CTNNA2: variants seen among roughly 807,000 people sequenced by gnomAD.
CTNNA2 encodes the protein catenin alpha-2.
A neutral mutation model predicts 101.0 loss-of-function variants in CTNNA2; 42 were observed. The ratio of observed to expected loss-of-function variants is 0.42; its 90% CI spans 0.32 to 0.54. CTNNA2 has a LOEUF of 0.54. Ranked by LOEUF, CTNNA2 falls within the 20% of genes least tolerant of loss-of-function variation. The pLI is 0.14. For synonymous variants in CTNNA2, 450 were observed against 456.4 expected (o/e 0.99, Z 0.18); for missense variants, 871 against 1,223.1 (o/e 0.71, Z 4.29).
chr2:80,212,728 C>G (rs1291894486), intron 7 of CTNNA2, among the ~76,000 whole-genome samples: 1 of 152,074 alleles, frequency 6.6e-6, no homozygotes, highest in Non-Finnish European at 1.5e-5. Flanking sequence ...TGATGCTGGC[C>G]TCATAGAATG....
intron 7 of CTNNA2, among the ~76,000 whole-genome samples, chr2:79,978,436 G>T (rs1691021959): frequency 6.6e-6 from 1 of 152,002 alleles, no homozygotes. Flanking sequence ...GAACTAAATT[G>T]TTCTCTGGCC....
In CTNNA2 at chr2:79,457,936, C is replaced by T. The variant is rs373351557; in HGVS notation, c.-134-47118C>T. Among the ~76,000 whole-genome samples the T allele has an allele frequency of 7.2e-5, 11 of 152,324 alleles. No individual in the cohort carries two copies. In the South Asian group the frequency reaches 1.7e-3, roughly 23 times the overall value. On this transcript the variant is annotated intron_variant, in intron 4 of 21. Transcript: ENST00000466387. ...GGACCAAGCTAGTTCTCTCTAGCCA[C>T]TGCTGGCAAATAGACAGTTCCTGGC...
chr2:80,168,261 C>T (rs1055716728), intron 7 of CTNNA2, among the ~76,000 whole-genome samples: 5 of 152,140 alleles, frequency 3.3e-5, no homozygotes, highest in Admixed American at 6.5e-5. Flanking sequence ...CTGGAAGACT[C>T]TCTGACCCTA....
At chr2:80,350,819 G>T (rs540683946) in intron 7 of CTNNA2, among the ~76,000 whole-genome samples, 41 of 152,060 alleles carry the variant, frequency 2.7e-4, no homozygotes, top group Admixed American at 6.5e-4. Flanking sequence ...GAGATCCTCT[G>T]TTAATATTAA....
intron 7 of CTNNA2, among the ~76,000 whole-genome samples, chr2:80,306,930 T>C (rs559553565): frequency 6.6e-5 from 10 of 152,188 alleles, no homozygotes; most frequent in African/African-American, 1.9e-4. Context: ...GAGTTGAGTG[T>C]TGGCAAGAAA....
intron 8 of CTNNA2, among the ~76,000 whole-genome samples, chr2:80,410,667 T>A (rs757868389): frequency 2.6e-5 from 4 of 152,178 alleles, no homozygotes; most frequent in Non-Finnish European, 4.4e-5. Flanking sequence ...GTAGTCAATT[T>A]ACAGAGGAAT....
At chr2:80,236,377 G>A (rs1709550928) in intron 7 of CTNNA2, among the ~76,000 whole-genome samples, 1 of 152,258 alleles carries the variant, frequency 6.6e-6, no homozygotes, top group African/African-American at 2.4e-5. Context: ...TCTGTATCTT[G>A]CACTGAAGTT....
intron 9 of CTNNA2, among the ~76,000 whole-genome samples, chr2:80,463,076 C>T (rs1475660742): frequency 2.0e-5 from 3 of 152,088 alleles, no homozygotes; most frequent in African/African-American, 2.4e-5. Context: ...CGCTGTGATG[C>T]GATGCTTACT....
At chr2:79,820,259 C>G (rs1313548019) in intron 3 of CTNNA2, among the ~76,000 whole-genome samples, 4 of 152,124 alleles carry the variant, frequency 2.6e-5, no homozygotes, top group African/African-American at 9.7e-5. Flanking sequence ...GTTAGTGCAT[C>G]TTCTATTAAT....
At chr2:79,241,945 AC>A (rs1674631514) in intron 2 of CTNNA2, among the ~76,000 whole-genome samples, 2 of 151,446 alleles carry the variant, frequency 1.3e-5, no homozygotes, top group Admixed American at 1.3e-4. Flanking sequence ...TTGCTCAGTC[AC>A]CCAGGCTGGA....
At chr2:80,386,645 A>G (rs1041859850) in intron 7 of CTNNA2, among the ~76,000 whole-genome samples, 12 of 152,300 alleles carry the variant, frequency 7.9e-5, no homozygotes, top group Non-Finnish European at 1.0e-4. Flanking sequence ...AGTGCATGGC[A>G]TATTATTGCT....
intron 7 of CTNNA2, among the ~76,000 whole-genome samples, chr2:80,096,642 A>C (rs946601224): frequency 1.3e-5 from 2 of 152,116 alleles, no homozygotes; most frequent in African/African-American, 4.8e-5. Flanking sequence ...TGGGAGTCTA[A>C]GTCTCTTTGT....
intron 1 of CTNNA2, among the ~76,000 whole-genome samples, chr2:79,515,599 A>T (rs1428219089): frequency 6.6e-6 from 1 of 152,240 alleles, no homozygotes; most frequent in African/African-American, 2.4e-5. Flanking sequence ...AACAAAACAT[A>T]CCAAGTTATT....
chr2:79,718,826 T>G (rs1160632451), intron 2 of CTNNA2, among the ~76,000 whole-genome samples: 8 of 149,618 alleles, frequency 5.3e-5, no homozygotes, highest in African/African-American at 2.4e-5. Flanking sequence ...TCCCACTTGT[T>G]TTTTTTTTTT....
At chr2:79,988,898 C>T (rs887708083) in intron 7 of CTNNA2, among the ~76,000 whole-genome samples, 3 of 152,192 alleles carry the variant, frequency 2.0e-5, no homozygotes. Flanking sequence ...AAAAAGTCTA[C>T]TGTAATTTGT....
At chr2:80,127,226 T>C (rs897123044) in intron 7 of CTNNA2, among the ~76,000 whole-genome samples, 1 of 152,184 alleles carries the variant, frequency 6.6e-6, no homozygotes, top group African/African-American at 2.4e-5. Flanking sequence ...CTATTTTAGA[T>C]CAAAAGGTTT....
At chr2:80,389,177 CA>C (rs1319007158) in intron 7 of CTNNA2, among the ~76,000 whole-genome samples, 2 of 152,038 alleles carry the variant, frequency 1.3e-5, no homozygotes, top group Non-Finnish European at 2.9e-5. Context: ...TTTTCCACAT[CA>C]AAAATACTTT....
chr2:79,363,983 C>A (rs1407203891), intron 3 of CTNNA2, among the ~76,000 whole-genome samples: 1 of 152,162 alleles, frequency 6.6e-6, no homozygotes, highest in Non-Finnish European at 1.5e-5. Flanking sequence ...GAGTTTCAAT[C>A]CTTAATGTGA....
At chr2:80,122,238 C>G (rs918071190) in intron 7 of CTNNA2, among the ~76,000 whole-genome samples, 1 of 151,232 alleles carries the variant, frequency 6.6e-6, no homozygotes, top group Non-Finnish European at 1.5e-5. Context: ...GCCTCTTTCT[C>G]TATCTCTCTT....
Sources: allele counts gnomAD v4.1 joint callset (sites outside exome capture counted in the v4.1 genomes callset), GRCh38; gene constraint gnomAD v4.1.1; transcripts MANE v1.5; gene names NCBI Gene and HGNC (gene_info 2026-07-23, HGNC 2026-07-21).